The following HM13 variants were observed in gnomAD, a reference collection of about 807,000 sequenced individuals.
The protein encoded by HM13 is histocompatibility minor 13, also known as signal peptide peptidase.
Under a neutral mutation model 50.0 loss-of-function variants are expected in HM13, and 18 were observed. That is an observed-to-expected ratio of 0.36 (90% CI 0.25 to 0.53). The LOEUF (loss-of-function observed/expected upper bound fraction) is 0.53, where lower values mean the gene tolerates loss of function less well. Ranked by LOEUF, HM13 falls within the 20% of genes least tolerant of loss-of-function variation. The pLI is 0.90. For synonymous variants in HM13, 197 were observed against 232.6 expected (o/e 0.85, Z 1.39); for missense variants, 393 against 552.4 (o/e 0.71, Z 2.89).
In HM13 at chr20:31,514,767, C is replaced by A; in HGVS notation, c.183+33C>A. On this transcript the variant is annotated intron_variant, in intron 1 of 12. Coordinates refer to ENST00000398174, the MANE Select transcript of HM13 (RefSeq NM_178581.3). The surrounding 1 kb of genome is among the most constrained non-coding windows in gnomAD (Gnocchi z 4.3). ...CAGCGGGAAAACCGGGCACTTTCCACCCCCATACCGAACACGGCCGACATG... is the reference window on the plus strand; with the variant it reads ...CAGCGGGAAAACCGGGCACTTTCCAACCCCATACCGAACACGGCCGACATG... 6.7e-7 allele frequency: 1 copy of A among 1,486,662 alleles called. No individual in the cohort carries two copies. The highest frequency in any genetic ancestry group is 2.2e-5 in the Admixed American group (1 of 45,136). 92.1% of individuals were successfully genotyped at this position (1,486,662 alleles called of 1,614,324 possible). A position where few individuals can be genotyped will look rare whatever the true frequency, so the allele number is the denominator to read the frequency against.
intron 4 of HM13, among the ~76,000 whole-genome samples, chr20:31,545,556 G>A (rs555555703): frequency 1.4e-4 from 21 of 152,236 alleles, no homozygotes; most frequent in Admixed American, 2.6e-4. Context: ...CTTGAGGCCA[G>A]GAATTTGAGA....
In HM13 at chr20:31,527,578, T is replaced by G; in HGVS notation, c.278T>G (p.Phe93Cys). 1 of 1,608,572 alleles carries G rather than the reference T, an allele frequency of 6.2e-7. No homozygotes were observed. The highest frequency in any genetic ancestry group is 8.5e-7 in the Non-Finnish European group (1 of 1,176,176). The change falls in exon 2 of 13, where the codon TTC (phenylalanine) becomes TGC (cysteine). Residue 93 changes from phenylalanine (F) to cysteine (C), a missense_variant. Phe to Cys is a radical substitution (Grantham distance 205). This residue lies in a region of HM13 where 214 missense variants were observed against 276.1 expected (regional missense o/e 0.77). Coordinates refer to ENST00000398174, the MANE Select transcript of HM13 (RefSeq NM_178581.3). ...SCTLLGLYLF[F>C]KIFSQEYINL... ...ACACTCTTGGGGCTCTACCTCTTTT[T>G]CAAAGTAAGTCTTTTGCCACCTGTT... is the stretch of plus-strand genomic sequence containing the variant.
chr20:31,550,143 G>A (rs1332603659), intron 7 of HM13, 22 bp downstream of exon 7: 2 of 1,605,672 alleles, frequency 1.2e-6, no homozygotes, highest in Non-Finnish European at 8.5e-7. Context: ...CCCTGCCACA[G>A]GGAACCCCTT....
In HM13 at chr20:31,569,402, C is replaced by G; in HGVS notation, c.*183C>G. 1 of 504,060 alleles carries G rather than the reference C, an allele frequency of 2.0e-6. No individual in the cohort carries two copies. Among genetic ancestry groups the G allele is most frequent in the Non-Finnish European group, 3.7e-6 (1 of 273,654 alleles). 31.2% of individuals were successfully genotyped at this position (504,060 alleles called of 1,614,324 possible). On this transcript the variant is annotated 3_prime_UTR_variant, in exon 13 of 13. Transcript: ENST00000398174. ...TCCTTCTCCCTTTCTTGGCCCTCCTCTGCTCCTCCCCACACCCTGCAGGCA... is the reference window on the plus strand; with the variant it reads ...TCCTTCTCCCTTTCTTGGCCCTCCTGTGCTCCTCCCCACACCCTGCAGGCA...
intron 2 of HM13, among the ~76,000 whole-genome samples, chr20:31,536,386 G>A (rs966024192): frequency 1.3e-5 from 2 of 151,874 alleles, no homozygotes; most frequent in East Asian, 3.9e-4. Context: ...GGTCAGGGGA[G>A]CAGAACAGAT....
chr20:31,568,033 C>T, intron 11 of HM13, 45 bp from the exon 12 acceptor site: 1 of 1,499,692 alleles, frequency 6.7e-7, no homozygotes, highest in African/African-American at 1.4e-5. Flanking sequence ...TTAGTCTTTC[C>T]CTATCCATCT....
At chr20:31,530,481 G>C (rs1197020419) in intron 2 of HM13, among the ~76,000 whole-genome samples, 5 of 151,360 alleles carry the variant, frequency 3.3e-5, no homozygotes, top group African/African-American at 1.2e-4. Context: ...TGCGATCTCA[G>C]CTCAATGCAA....
chr20:31,549,238 C>T lies in HM13; in HGVS notation c.572C>T (p.Ala191Val), dbSNP rs967340689. 2 of 1,614,196 alleles carry T rather than the reference C, an allele frequency of 1.2e-6. No individual in the cohort carries two copies. Among genetic ancestry groups the T allele is most frequent in the Non-Finnish European group, 1.7e-6 (2 of 1,180,042 alleles). The part of the protein sequence containing the change: ...HWIANNLFGL[A>V]FSLNGVELLH... ...ATTGCCAACAACCTTTTTGGCCTGG[C>T]CTTCTCCCTTAATGGAGTAGAGCTC... is the stretch of plus-strand genomic sequence containing the variant. The change falls in exon 6 of 13, where the codon GCC (alanine) becomes GTC (valine). Residue 191 changes from alanine to valine, a missense_variant. Ala to Val is a moderately conservative substitution (Grantham distance 64). Transcript: ENST00000398174.
At chr20:31,546,459 T>A (rs1442151436) in intron 4 of HM13, among the ~76,000 whole-genome samples, 5 of 151,840 alleles carry the variant, frequency 3.3e-5, no homozygotes, top group South Asian at 4.2e-4. Flanking sequence ...TTTTTTTTTT[T>A]AAAGACTGAG....
At chr20:31,527,896 C>CTTT in intron 2 of HM13, 1 of 167,192 alleles carries the variant, frequency 6.0e-6, no homozygotes, top group Non-Finnish European at 1.2e-5. Context: ...TACTAATGGC[C>CTTT]TTTTTTTTTT....
rs145614932 is a variant in HM13 at position 31,522,856 on chromosome 20, T to G, written c.184-4628T>G. 3.9e-3 allele frequency among the ~76,000 whole-genome samples: 523 copies of G among 134,458 alleles called. 3 individuals carry two copies. The highest frequency in any genetic ancestry group is 0.018 in the African/African-American group (499 of 27,254). The allele number at this position is 134,458 out of a possible 152,430, so 88.2% of individuals were successfully genotyped here. A position where few individuals can be genotyped will look rare whatever the true frequency, so the allele number is the denominator to read the frequency against. On this transcript the variant is annotated intron_variant, in intron 1 of 12. Coordinates refer to ENST00000398174, the MANE Select transcript of HM13 (RefSeq NM_178581.3). ...GTTTTACAGCTGAGGAAATTGAGGC[T>G]TAGAGAAAAAAAAAATCACTTTCCC...
intron 10 of HM13, chr20:31,562,685 T>A (rs1018457484): frequency 5.3e-5 from 8 of 152,242 alleles, no homozygotes; most frequent in African/African-American, 1.7e-4. Context: ...GGGGTTTTTT[T>A]AATCACTCTG....
At chr20:31,557,703 C>CTTTTTTTTTTTTTTTT (rs1180267680) in intron 8 of HM13, among the ~76,000 whole-genome samples, 1 of 80,906 alleles carries the variant, frequency 1.2e-5, no homozygotes, top group Non-Finnish European at 2.2e-5. Flanking sequence ...GGCAGTGCTT[C>CTTTTTTTTTTTTTTTT]TTTTTTTTTT....
intron 8 of HM13, among the ~76,000 whole-genome samples, chr20:31,555,174 C>T (rs575964861): frequency 6.6e-6 from 1 of 152,310 alleles, no homozygotes; most frequent in Non-Finnish European, 1.5e-5. Flanking sequence ...TCTTAACAGA[C>T]TGGACCCCTG....
rs1406952759 is a variant in HM13, at chr20:31,534,839, A to T, written c.283-3340A>T. On this transcript the variant is annotated intron_variant, in intron 2 of 12. Coordinates refer to ENST00000398174, the MANE Select transcript of HM13 (RefSeq NM_178581.3). ...AGTGGCTCACGCCTGTAATCCCAGC[A>T]CTTTGGGAGGCCGAGGCGGGCAGAT... 2.0e-5 allele frequency among the ~76,000 whole-genome samples: 3 copies of T among 152,168 alleles called. No individual in the cohort carries two copies. The East Asian group carries it at 5.8e-4, about 29-fold the overall frequency.
chr20:31,547,457 T>G, intron 4 of HM13: 1 of 588,080 alleles, frequency 1.7e-6, no homozygotes, highest in Non-Finnish European at 3.0e-6. Context: ...ACCGGAGCCT[T>G]GCCAATTCCG....
chr20:31,567,766 C>T (rs1187868491), intron 11 of HM13: 2 of 297,412 alleles, frequency 6.7e-6, no homozygotes, highest in East Asian at 7.5e-5. Context: ...CTTGCACAGA[C>T]GGTGGCATTC....
chr20:31,550,133 C>T lies in HM13; in HGVS notation c.724+12C>T, dbSNP rs1983956493. On this transcript the variant is annotated intron_variant, in intron 7 of 12. Coordinates refer to ENST00000398174, the MANE Select transcript of HM13 (RefSeq NM_178581.3). ...GGCACCAATAAAATGTAAGTGACCACCCTGCCACAGGGAACCCCTTCCCCC... is the reference window on the plus strand; with the variant it reads ...GGCACCAATAAAATGTAAGTGACCATCCTGCCACAGGGAACCCCTTCCCCC... 1 of 1,611,806 alleles carries T rather than the reference C, an allele frequency of 6.2e-7. No individual in the cohort carries two copies. Among genetic ancestry groups the T allele is most frequent in the Non-Finnish European group, 8.5e-7 (1 of 1,177,920 alleles).
At chr20:31,522,544 T>TAAAA (rs11473463) in intron 1 of HM13, among the ~76,000 whole-genome samples, 3 of 141,664 alleles carry the variant, frequency 2.1e-5, no homozygotes, top group African/African-American at 7.8e-5. Flanking sequence ...AAAACTCCAC[T>TAAAA]AAAAAAAAAC....
Sources: allele counts gnomAD v4.1 joint callset (sites outside exome capture counted in the v4.1 genomes callset), GRCh38; gene constraint gnomAD v4.1.1; regional missense constraint gnomAD v4.1.1; non-coding constraint Gnocchi (gnomAD v3.1); transcripts MANE v1.5; gene names NCBI Gene and HGNC (gene_info 2026-07-23, HGNC 2026-07-21).